Variants in LUZP2 observed in about 807,000 individuals in gnomAD.
LUZP2 encodes leucine zipper protein 2.
Under a neutral mutation model 51.6 loss-of-function variants are expected in LUZP2, and 52 were observed. The ratio of observed to expected loss-of-function variants is 1.01; its 90% CI spans 0.81 to 1.27. The LOEUF (loss-of-function observed/expected upper bound fraction) is 1.27, where lower values mean the gene tolerates loss of function less well. LUZP2 is among the 50% of genes most tolerant of loss of function. The pLI, the probability that LUZP2 is intolerant of heterozygous loss-of-function variation, is 0.00. For synonymous variants in LUZP2, 154 were observed against 137.3 expected (o/e 1.12, Z -0.85); for missense variants, 436 against 395.4 (o/e 1.10, Z -0.87).
chr11:24,976,706 CAAAAAAAA>C (rs57265111), intron 8 of LUZP2, 41 bp downstream of exon 8: 1,726 of 332,448 alleles, frequency 5.2e-3, no homozygotes, highest in Middle Eastern at 0.01. Flanking sequence ...GTAGTTTTAG[CAAAAAAAA>C]AAAAAAAAAA....
At chr11:24,897,933 C>T (rs568674819) in intron 5 of LUZP2, among the ~76,000 whole-genome samples, 43 of 152,046 alleles carry the variant, frequency 2.8e-4, no homozygotes, top group Non-Finnish European at 6.2e-4. Context: ...AAGAGAATAA[C>T]ATAGTGAAAT....
chr11:24,674,147 T>C (rs2133855101), intron 1 of LUZP2, among the ~76,000 whole-genome samples: 1 of 152,294 alleles, frequency 6.6e-6, no homozygotes, highest in Admixed American at 6.5e-5. Flanking sequence ...TTTTTAATCT[T>C]TATAATAACT....
intron 1 of LUZP2, among the ~76,000 whole-genome samples, chr11:24,557,878 C>T (rs1851917314): frequency 6.6e-6 from 1 of 151,974 alleles, no homozygotes; most frequent in Non-Finnish European, 1.5e-5. Context: ...ATGTGCTGAG[C>T]CCGTTTCTCT....
intron 1 of LUZP2, among the ~76,000 whole-genome samples, chr11:24,613,020 C>T (rs1265057832): frequency 6.6e-6 from 1 of 152,064 alleles, no homozygotes; most frequent in Non-Finnish European, 1.5e-5. Context: ...AAACAAATGT[C>T]CATGCCAACT....
At chr11:24,792,826 G>A (rs1849444421) in intron 5 of LUZP2, among the ~76,000 whole-genome samples, 1 of 152,146 alleles carries the variant, frequency 6.6e-6, no homozygotes, top group African/African-American at 2.4e-5. Flanking sequence ...TGAACTTGGT[G>A]TCAGGATTGG....
At chr11:24,719,680 T>G (rs1178529437) in intron 1 of LUZP2, among the ~76,000 whole-genome samples, 1 of 152,224 alleles carries the variant, frequency 6.6e-6, no homozygotes, top group Admixed American at 6.5e-5. Flanking sequence ...CATCAAGAAG[T>G]GAAGTATATT....
intron 1 of LUZP2, among the ~76,000 whole-genome samples, chr11:24,554,680 A>T (rs2133755835): frequency 6.8e-6 from 1 of 146,790 alleles, no homozygotes; most frequent in East Asian, 2.1e-4. Flanking sequence ...ATAAGGCAGG[A>T]GACTTATCCT....
chr11:24,846,684 A>G (rs1851209286), intron 5 of LUZP2, among the ~76,000 whole-genome samples: 1 of 152,228 alleles, frequency 6.6e-6, no homozygotes, highest in African/African-American at 2.4e-5. Flanking sequence ...CTATGAGAGA[A>G]CAGAAAAACA....
In LUZP2 at chr11:24,549,133, TGTAC is replaced by T. The variant is rs151276151; in HGVS notation, c.62+51829_62+51832del. ...AATTTAGTTTAAAATGCAAGTATAT[TGTAC>T]AGCTGTACAGAAATTTTTTATATCC... is the stretch of plus-strand genomic sequence containing the variant. On this transcript the variant is annotated intron_variant, in intron 1 of 11. Coordinates refer to ENST00000336930, the MANE Select transcript of LUZP2 (RefSeq NM_001009909.4). Among the ~76,000 whole-genome samples the T allele has an allele frequency of 3.2e-3, 480 of 152,226 alleles. 3 individuals are homozygous for T. The highest frequency in any genetic ancestry group is 0.011 in the African/African-American group (463 of 41,580).
intron 1 of LUZP2, among the ~76,000 whole-genome samples, chr11:24,563,013 C>T (rs1358987053): frequency 2.0e-5 from 3 of 152,080 alleles, no homozygotes; most frequent in Non-Finnish European, 4.4e-5. Context: ...ATGGCTTGAA[C>T]GGAAGAAGGC....
intron 10 of LUZP2, among the ~76,000 whole-genome samples, chr11:25,064,540 T>A (rs1394267887): frequency 2.6e-5 from 4 of 152,126 alleles, no homozygotes; most frequent in African/African-American, 9.7e-5. Flanking sequence ...ATACTTAACT[T>A]GTGAAACTTG....
At position 25,077,364 on chromosome 11, in the gene LUZP2, TC is replaced by T; in HGVS notation, c.899del (p.Pro300GlnfsTer25). ...RPCSMKHKES[P>X]PSNATAETEP... ...CGTGTTCCATGAAGCACAAAGAAAGTCCCCCAAGTAATGCCACTGCAGAAAC... is the reference window on the plus strand; with the variant it reads ...CGTGTTCCATGAAGCACAAAGAAAGTCCCCAAGTAATGCCACTGCAGAAAC... On this transcript the variant is annotated frameshift_variant, in exon 11 of 12. Coordinates refer to ENST00000336930, the MANE Select transcript of LUZP2 (RefSeq NM_001009909.4). LOFTEE classifies it high-confidence loss of function. 1.2e-6 allele frequency: 2 copies of T among 1,613,036 alleles called. No individual in the cohort carries two copies. Among genetic ancestry groups the T allele is most frequent in the Admixed American group, 3.3e-5 (2 of 59,982 alleles).
intron 1 of LUZP2, among the ~76,000 whole-genome samples, chr11:24,650,457 A>G (rs767712521): frequency 6.6e-6 from 1 of 152,006 alleles, no homozygotes; most frequent in Admixed American, 6.6e-5. Context: ...TAAAGTGGGC[A>G]ACTATTTTGT....
At chr11:24,640,949 C>A (rs1420064904) in intron 1 of LUZP2, among the ~76,000 whole-genome samples, 1 of 146,090 alleles carries the variant, frequency 6.8e-6, no homozygotes, top group Non-Finnish European at 1.5e-5. Context: ...ATGTGTATAT[C>A]TATATCTGTA....
At chr11:24,862,519 A>G (rs1324742571) in intron 5 of LUZP2, among the ~76,000 whole-genome samples, 2 of 152,192 alleles carry the variant, frequency 1.3e-5, no homozygotes, top group Admixed American at 6.5e-5. Flanking sequence ...TGAAAGGATC[A>G]AATTCACACA....
At chr11:25,068,084 A>G (rs922310413) in intron 10 of LUZP2, among the ~76,000 whole-genome samples, 1 of 152,002 alleles carries the variant, frequency 6.6e-6, no homozygotes, top group African/African-American at 2.4e-5. Flanking sequence ...CAAACACCAC[A>G]TGTTCTCACT....
intron 5 of LUZP2, among the ~76,000 whole-genome samples, chr11:24,790,195 T>A (rs1329046024): frequency 3.9e-5 from 6 of 152,220 alleles, no homozygotes; most frequent in Non-Finnish European, 8.8e-5. Flanking sequence ...CTGCCTTTTT[T>A]TGTGTTCCTT....
chr11:25,032,206 A>G (rs1429223681), intron 9 of LUZP2, among the ~76,000 whole-genome samples: 1 of 152,156 alleles, frequency 6.6e-6, no homozygotes, highest in East Asian at 1.9e-4. Flanking sequence ...ATTTTAGCCC[A>G]TTGAGATTCA....
intron 1 of LUZP2, among the ~76,000 whole-genome samples, chr11:24,551,579 T>C (rs1851726219): frequency 6.6e-6 from 1 of 151,990 alleles, no homozygotes; most frequent in Admixed American, 6.6e-5. Flanking sequence ...AATGAGTGAA[T>C]ATGATGGTGT....
Sources: allele counts gnomAD v4.1 joint callset (sites outside exome capture counted in the v4.1 genomes callset), GRCh38; gene constraint gnomAD v4.1.1; transcripts MANE v1.5; gene names NCBI Gene and HGNC (gene_info 2026-07-23, HGNC 2026-07-21).